The following SLC9A6 variants were observed in gnomAD, a reference collection of about 807,000 sequenced individuals.
The protein encoded by SLC9A6 is sodium/hydrogen exchanger 6.
Under a neutral mutation model 45.3 loss-of-function variants are expected in SLC9A6, and 6 were observed. The ratio of observed to expected loss-of-function variants is 0.13; its 90% confidence interval spans 0.07 to 0.26. The LOEUF (loss-of-function observed/expected upper bound fraction) is 0.26, where lower values mean the gene tolerates loss of function less well. SLC9A6 is among the 10% of genes least tolerant of loss of function. SLC9A6 has a pLI of 1.00. For synonymous variants in SLC9A6, 191 were observed against 187.7 expected (o/e 1.02, Z -0.14); for missense variants, 278 against 503.7 (o/e 0.55, Z 4.29).
At chrX:135,974,199 T>A (rs1603178300), upstream of SLC9A6, 1 of 2,774 alleles carries the variant, frequency 3.6e-4, no homozygotes, top group Non-Finnish European at 5.5e-4. Flanking sequence ...GGGGGGGCCC[T>A]GGTGGGTGCG....
chrX:136,040,966 C>A (rs782783547), intron 17 of SLC9A6, among the ~76,000 whole-genome samples: 1 of 110,676 alleles, frequency 9.0e-6, no homozygotes, highest in Admixed American at 9.6e-5. Context: ...ACCAAAATTA[C>A]AAAAATTAGC....
chrX:135,998,126 G>A lies in SLC9A6; in HGVS notation c.388G>A (p.Val130Ile), dbSNP rs1556616825. The change falls in exon 4 of 18, where the codon GTA becomes ATA. Residue 130 changes from valine to isoleucine, a missense_variant. Transcript: ENST00000630721. ...MLRKVTFDPEVFFNILLPPII... is the reference protein window; with the variant it reads ...MLRKVTFDPEIFFNILLPPII... The stretch of plus-strand genomic sequence containing the variant: ...TTAACAGGTTACTTTTGATCCAGAA[G>A]TATTTTTCAACATATTACTTCCTCC... 2 of 1,101,646 alleles carry A rather than the reference G, an allele frequency of 1.8e-6. No homozygotes were observed. The highest frequency in any genetic ancestry group is 2.5e-6 in the Non-Finnish European group (2 of 796,757). The allele number at this position is 1,101,646 out of a possible 1,213,427, so 90.8% of individuals were successfully genotyped here.
chrX:136,003,931 T>C (rs2089617569), intron 7 of SLC9A6, among the ~76,000 whole-genome samples: 1 of 111,115 alleles, frequency 9.0e-6, no homozygotes, highest in Non-Finnish European at 1.9e-5. Context: ...TGTAGTTATG[T>C]ATTACTTATA....
Position 136,002,330 on chromosome X carries a change from T to C in SLC9A6, c.743+117T>C, listed in dbSNP as rs879964053. 1.5e-4 allele frequency: 83 copies of C among 560,797 alleles called. 1 individual carries two copies. In the East Asian group the frequency reaches 1.9e-3, roughly 13 times the overall value. The allele number at this position is 560,797 out of a possible 1,213,427, so 46.2% of individuals were successfully genotyped here. ...GGAAACATTTGGAAGAATGAGGCATTTTTTTCCCTCTTGAAGAAATCCATA... is the reference window on the plus strand; with the variant it reads ...GGAAACATTTGGAAGAATGAGGCATCTTTTTCCCTCTTGAAGAAATCCATA... On this transcript the variant is annotated intron_variant, in intron 7 of 17. Coordinates refer to ENST00000630721, the MANE Select transcript of SLC9A6 (RefSeq NM_001379110.1).
In SLC9A6 at chrX:136,002,075, C is replaced by CT. The variant is rs782645250; in HGVS notation, c.638-32dup. On this transcript the variant is annotated intron_variant, in intron 6 of 17. Transcript: ENST00000630721. ...GGAGAATATGTTATATTTGTAATGT[C>CT]TAAGTATTCCTCTGACTCTTTTTAC... is the stretch of plus-strand genomic sequence containing the variant. 111 of 920,609 alleles carry CT rather than the reference C, an allele frequency of 1.2e-4. No individual in the cohort carries two copies. In the African/African-American group the frequency reaches 1.8e-3, roughly 15 times the overall value. 75.9% of individuals were successfully genotyped at this position (920,609 alleles called of 1,213,427 possible).
rs2071577405 is a variant in SLC9A6, at chrX:136,045,161, T to C, written c.*437T>C. Reference sequence around the variant, plus strand: ...AACCTAGGGAGGAGAGGTTCCTTTGTTGGGAAACTTTTGTTGATAGCTGCT... The same window carrying C: ...AACCTAGGGAGGAGAGGTTCCTTTGCTGGGAAACTTTTGTTGATAGCTGCT... On this transcript the variant is annotated 3_prime_UTR_variant, in exon 18 of 18. Coordinates refer to ENST00000630721, the MANE Select transcript of SLC9A6 (RefSeq NM_001379110.1). The C allele has an allele frequency of 7.4e-6, 1 of 135,523 alleles. No homozygotes were observed. The highest frequency in any genetic ancestry group is 1.5e-5 in the Non-Finnish European group (1 of 67,383). The allele number at this position is 135,523 out of a possible 1,213,427, so 11.2% of individuals were successfully genotyped here. A position where few individuals can be genotyped will look rare whatever the true frequency, so the allele number is the denominator to read the frequency against.
chrX:135,973,846 TG>T, upstream of SLC9A6: 1 of 1,160,113 alleles, frequency 8.6e-7, no homozygotes, highest in Non-Finnish European at 1.1e-6. Flanking sequence ...GAAACAGGAA[TG>T]CCGGGAAGAA....
In SLC9A6 at chrX:136,046,770, A is replaced by G. The variant is rs2071605956; in HGVS notation, c.*2046A>G. 8.9e-6 allele frequency: 1 copy of G among 112,163 alleles called. No homozygotes were observed. The highest frequency in any genetic ancestry group is 3.3e-5 in the African/African-American group (1 of 30,724). The allele number at this position is 112,163 out of a possible 1,213,427, so 9.2% of individuals were successfully genotyped here. ...TTCCTCTCCTCTAATCTGTGTACAC[A>G]TCTCCAAGCAAGGAAGAAAAAACAA... On this transcript the variant is annotated 3_prime_UTR_variant, in exon 18 of 18. Transcript: ENST00000630721.
intron 15 of SLC9A6, among the ~76,000 whole-genome samples, chrX:136,032,335 G>A (rs1238830872): frequency 1.8e-5 from 2 of 112,637 alleles, no homozygotes; most frequent in Admixed American, 1.9e-4. Flanking sequence ...GCTTCCCAAA[G>A]TGTTGGGATT....
intron 17 of SLC9A6, among the ~76,000 whole-genome samples, chrX:136,041,680 A>G (rs1346267650): frequency 1.8e-5 from 2 of 112,498 alleles, no homozygotes; most frequent in African/African-American, 6.5e-5. Context: ...GAAGAGGTCC[A>G]CAACAAACCT....
intron 2 of SLC9A6, among the ~76,000 whole-genome samples, chrX:135,991,714 G>T (rs1182770283): frequency 9.0e-6 from 1 of 110,999 alleles, no homozygotes; most frequent in Admixed American, 9.6e-5. Context: ...TGCCTTACTC[G>T]ACTTTACTAT....
upstream of SLC9A6, among the ~76,000 whole-genome samples, chrX:135,982,462 G>GCAGAGTACAGTTTGGT (rs1403308150): frequency 4.6e-5 from 5 of 108,717 alleles, no homozygotes; most frequent in African/African-American, 1.7e-4. Context: ...GTGATGACAT[G>GCAGAGTACAGTTTGGT]CAGAGTACAG....
At chrX:135,982,841 C>T (rs1556614326), upstream of SLC9A6, among the ~76,000 whole-genome samples, 1 of 112,138 alleles carries the variant, frequency 8.9e-6, no homozygotes, top group Non-Finnish European at 1.9e-5. Flanking sequence ...AAAGGATGGG[C>T]ACTGATGGGA....
chrX:135,982,228 C>T (rs2089288837), upstream of SLC9A6, among the ~76,000 whole-genome samples: 1 of 110,481 alleles, frequency 9.1e-6, no homozygotes, highest in Non-Finnish European at 1.9e-5. Context: ...GCAGAGAATG[C>T]AGACAATTCC....
intron 12 of SLC9A6, among the ~76,000 whole-genome samples, chrX:136,023,165 A>ATGTG (rs1306268664): frequency 8.4e-4 from 1 of 1,191 alleles, no homozygotes; most frequent in East Asian, 0.017. Flanking sequence ...AAGAAAATGT[A>ATGTG]TATATATATA....
At chrX:136,009,917 A>G (rs782468072) in intron 7 of SLC9A6, among the ~76,000 whole-genome samples, 77 of 112,115 alleles carry the variant, frequency 6.9e-4, no homozygotes, top group Non-Finnish European at 1.2e-3. Context: ...GAATGAATAG[A>G]TATTAGGCAT....
At chrX:136,021,128 A>G (rs1556619893) in intron 11 of SLC9A6, among the ~76,000 whole-genome samples, 1 of 111,317 alleles carries the variant, frequency 9.0e-6, no homozygotes. Flanking sequence ...GTATATATCT[A>G]TATATCCATA....
In SLC9A6 at chrX:136,044,862, T is replaced by C; in HGVS notation, c.*138T>C. 1.8e-6 allele frequency: 1 copy of C among 557,059 alleles called. No individual in the cohort carries two copies. The highest frequency in any genetic ancestry group is 2.8e-5 in the South Asian group (1 of 35,323). 45.9% of individuals were successfully genotyped at this position (557,059 alleles called of 1,213,427 possible). On this transcript the variant is annotated 3_prime_UTR_variant, in exon 18 of 18. Coordinates refer to ENST00000630721, the MANE Select transcript of SLC9A6 (RefSeq NM_001379110.1). ...CTATTTATATGGCATAGAAAGAATA[T>C]AAATATCCTGTACACGGCAGATTGT...
At chrX:135,976,096 A>G (rs983067480) in intron 1 of SLC9A6, among the ~76,000 whole-genome samples, 2 of 109,716 alleles carry the variant, frequency 1.8e-5, no homozygotes, top group Non-Finnish European at 3.8e-5. Flanking sequence ...AGTCATGTTC[A>G]TTATTCTTTT....
Sources: gnomAD v4.1 joint callset for allele counts (sites outside exome capture counted in the v4.1 genomes callset) on GRCh38, gnomAD v4.1.1 for gene constraint, MANE v1.5 for transcripts, NCBI Gene and HGNC (gene_info 2026-07-23, HGNC 2026-07-21) for gene names.